MRTFB: variants seen among roughly 807,000 people sequenced by gnomAD.
MRTFB encodes myocardin-related transcription factor B.
MRTFB carries 29 observed loss-of-function variants against 104.2 expected under a neutral mutation model. The observed-to-expected ratio is 0.28, with a 90% CI of 0.21 to 0.38. The LOEUF is 0.38. Ranked by LOEUF, MRTFB falls within the 10% of genes least tolerant of loss-of-function variation. The pLI is 1.00. For synonymous variants in MRTFB, 535 were observed against 519.5 expected (o/e 1.03, Z -0.41); for missense variants, 1,270 against 1,341.6 (o/e 0.95, Z 0.83).
chr16:14,049,892 C>G, the MRTFB span, among the ~76,000 whole-genome samples: 1 of 152,216 alleles, frequency 6.6e-6, no homozygotes, highest in Non-Finnish European at 1.5e-5. Flanking sequence ...ATCACCAGGC[C>G]TGGCTAATTT....
chr16:14,078,117 A>G lies in MRTFB; in HGVS notation c.-128-1173A>G, dbSNP rs145058829. ...GAATATAGTGCTACGTAATTCTGCC[A>G]GTTCAGATCTGTTACTGTCCCCCAC... On this transcript the variant is annotated intron_variant, in intron 1 of 16. Coordinates refer to ENST00000571589, the MANE Select transcript of MRTFB (RefSeq NM_001308142.2). Among the ~76,000 whole-genome samples the G allele has an allele frequency of 2.0e-3, 310 of 152,054 alleles. 1 individual carries two copies. Among genetic ancestry groups the G allele is most frequent in the African/African-American group, 7.1e-3 (294 of 41,484 alleles).
At chr16:14,195,632 ATTG>A in intron 3 of MRTFB, 6 of 915,448 alleles carry the variant, frequency 6.6e-6, no homozygotes, top group Non-Finnish European at 7.8e-6. Context: ...TGTTTCGTTA[ATTG>A]TTCTTTTATT....
chr16:14,035,941 T>A, the MRTFB span, among the ~76,000 whole-genome samples: 781 of 151,472 alleles, frequency 5.2e-3, 6 homozygotes, highest in African/African-American at 0.018. Flanking sequence ...TGCATCCTCA[T>A]AACTTAGCTC....
intron 2 of MRTFB, among the ~76,000 whole-genome samples, chr16:14,108,944 C>T (rs982742271): frequency 2.6e-5 from 4 of 152,176 alleles, no homozygotes; most frequent in Non-Finnish European, 2.9e-5. Context: ...GTGCACCCCT[C>T]TGTAGTAATT....
At chr16:14,093,719 A>G (rs1596790247) in intron 2 of MRTFB, among the ~76,000 whole-genome samples, 1 of 152,176 alleles carries the variant, frequency 6.6e-6, no homozygotes, top group African/African-American at 2.4e-5. Context: ...AAAGACTGGG[A>G]AAGTATATTT....
chr16:14,122,362 G>T (rs748480705), intron 2 of MRTFB, among the ~76,000 whole-genome samples: 4 of 151,528 alleles, frequency 2.6e-5, no homozygotes, highest in Non-Finnish European at 5.9e-5. Context: ...ATATACACGT[G>T]CCATGGTGGT....
chr16:14,212,369 C>T lies in MRTFB; in HGVS notation c.236C>T (p.Ala79Val), dbSNP rs1335391171. Residue 79 changes from alanine (A) to valine (V), a missense_variant, in exon 5 of 17, where the codon GCG (alanine) becomes GTG (valine). Around this residue, in one of 3 missense-constraint regions of MRTFB, gnomAD observed 64 missense variants for 152.9 expected, o/e 0.42. Coordinates refer to ENST00000571589, the MANE Select transcript of MRTFB (RefSeq NM_001308142.2). ...QGIMPPLKSP[A>V]AFHEQIKSLE... ...TTTCTCACAGCTTTGAAGAGCCCAGCGGCATTCCATGAACAGATAAAAAGC... is the reference window on the plus strand; with the variant it reads ...TTTCTCACAGCTTTGAAGAGCCCAGTGGCATTCCATGAACAGATAAAAAGC... The T allele has an allele frequency of 1.2e-5, 19 of 1,613,856 alleles. No homozygotes were observed. Among genetic ancestry groups the T allele is most frequent in the Non-Finnish European group, 1.6e-5 (19 of 1,179,832 alleles).
chr16:14,099,046 T>G (rs750467246), intron 2 of MRTFB, among the ~76,000 whole-genome samples: 2 of 152,228 alleles, frequency 1.3e-5, no homozygotes, highest in African/African-American at 2.4e-5. Context: ...CAAAGTTGTT[T>G]GAGCTATTCT....
At chr16:14,102,474 C>G (rs1439663522) in intron 2 of MRTFB, among the ~76,000 whole-genome samples, 1 of 152,134 alleles carries the variant, frequency 6.6e-6, no homozygotes, top group African/African-American at 2.4e-5. Context: ...GGTAGGGAAC[C>G]ATTTTCCCCC....
intron 3 of MRTFB, among the ~76,000 whole-genome samples, chr16:14,169,507 A>G (rs1213717351): frequency 6.6e-6 from 1 of 151,934 alleles, no homozygotes; most frequent in Non-Finnish European, 1.5e-5. Context: ...TATACCCTTG[A>G]TTCTAATCAT....
intron 3 of MRTFB, among the ~76,000 whole-genome samples, chr16:14,161,680 T>C (rs2039043196): frequency 6.6e-6 from 1 of 152,118 alleles, no homozygotes; most frequent in South Asian, 2.1e-4. Flanking sequence ...TAAATCTCAA[T>C]ATATATATTG....
At chr16:14,157,095 G>T (rs570094589) in intron 3 of MRTFB, among the ~76,000 whole-genome samples, 2 of 152,190 alleles carry the variant, frequency 1.3e-5, no homozygotes, top group African/African-American at 4.8e-5. Flanking sequence ...TTCATAATGT[G>T]CACATAGTAC....
chr16:14,094,149 G>A (rs2035234485), intron 2 of MRTFB, among the ~76,000 whole-genome samples: 1 of 152,096 alleles, frequency 6.6e-6, no homozygotes, highest in Non-Finnish European at 1.5e-5. Context: ...GTTTGTCTCT[G>A]GGCTTGTCCG....
chr16:14,118,782 T>C (rs2142258905), intron 2 of MRTFB, among the ~76,000 whole-genome samples: 1 of 152,076 alleles, frequency 6.6e-6, no homozygotes, highest in East Asian at 1.9e-4. Flanking sequence ...CTATATATTG[T>C]TTGTATATTA....
At chr16:14,247,691 GA>G in intron 12 of MRTFB, 184 bp downstream of exon 12, 1 of 599,772 alleles carries the variant, frequency 1.7e-6, no homozygotes, top group Non-Finnish European at 2.9e-6. Flanking sequence ...TTTATATAGT[GA>G]AAAAAACACA....
intron 2 of MRTFB, among the ~76,000 whole-genome samples, chr16:14,124,222 T>G (rs2036993723): frequency 6.6e-6 from 1 of 152,234 alleles, no homozygotes; most frequent in South Asian, 2.1e-4. Context: ...AGAGACAATT[T>G]GACTTCCTCT....
chr16:14,008,501 G>A, the MRTFB span, among the ~76,000 whole-genome samples: 9 of 152,168 alleles, frequency 5.9e-5, 1 homozygote, highest in Admixed American at 4.6e-4. Flanking sequence ...GATCAGAAAT[G>A]TGAAGGTTTA....
chr16:14,197,406 CATA>C (rs934328407), intron 3 of MRTFB, among the ~76,000 whole-genome samples: 1 of 152,118 alleles, frequency 6.6e-6, no homozygotes, highest in Non-Finnish European at 1.5e-5. Flanking sequence ...TTCAGAACAA[CATA>C]ATTACATTTT....
intron 2 of MRTFB, among the ~76,000 whole-genome samples, chr16:14,119,193 G>A (rs1298928045): frequency 1.3e-5 from 2 of 152,200 alleles, no homozygotes; most frequent in Admixed American, 6.5e-5. Context: ...TCACGTGGTT[G>A]AAGATTTATG....
Sources: allele counts gnomAD v4.1 joint callset (sites outside exome capture counted in the v4.1 genomes callset), GRCh38; gene constraint gnomAD v4.1.1; regional missense constraint gnomAD v4.1.1; transcripts MANE v1.5; gene names NCBI Gene and HGNC (gene_info 2026-07-23, HGNC 2026-07-21).